PABPC4L: variants seen among roughly 807,000 people sequenced by gnomAD.
PABPC4L encodes the protein poly(A) binding protein cytoplasmic 4 like.
For synonymous variants in PABPC4L, 169 were observed against 164.1 expected (o/e 1.03, Z -0.23); for missense variants, 452 against 451.4 (o/e 1.00, Z -0.01).
At chr4:134,109,751 A>AT in the PABPC4L span, among the ~76,000 whole-genome samples, 206 of 146,646 alleles carry the variant, frequency 1.4e-3, no homozygotes, top group Middle Eastern at 3.5e-3. Flanking sequence ...TTTCTAGATC[A>AT]TTTTTTTTTT....
At chr4:134,166,561 G>A in the PABPC4L span, among the ~76,000 whole-genome samples, 11 of 152,178 alleles carry the variant, frequency 7.2e-5, no homozygotes, top group East Asian at 9.7e-4. Flanking sequence ...CACCAGCATC[G>A]CTTTCCTTCA....
chr4:134,131,206 A>G, the PABPC4L span, among the ~76,000 whole-genome samples: 1 of 152,050 alleles, frequency 6.6e-6, no homozygotes, highest in African/African-American at 2.4e-5. Flanking sequence ...ATCAGACAGG[A>G]AAAATAAAAG....
At chr4:133,966,921 G>T in the PABPC4L span, among the ~76,000 whole-genome samples, 1 of 152,120 alleles carries the variant, frequency 6.6e-6, no homozygotes, top group Non-Finnish European at 1.5e-5. Context: ...TGGTGTTCCG[G>T]TGAAAGAAAT....
chr4:134,129,183 T>C, the PABPC4L span, among the ~76,000 whole-genome samples: 2 of 152,074 alleles, frequency 1.3e-5, no homozygotes, highest in Non-Finnish European at 2.9e-5. Context: ...AAACAATTAC[T>C]ACTATACCTA....
chr4:134,039,277 C>T, the PABPC4L span, among the ~76,000 whole-genome samples: 36 of 151,928 alleles, frequency 2.4e-4, no homozygotes, highest in African/African-American at 5.1e-4. Context: ...TACTATGTGG[C>T]GCTGAGAAGA....
At chr4:134,121,159 A>G in the PABPC4L span, among the ~76,000 whole-genome samples, 2 of 151,366 alleles carry the variant, frequency 1.3e-5, no homozygotes, top group Non-Finnish European at 3.0e-5. Context: ...TCAATTCTTT[A>G]TGATCTTTAT....
chr4:134,164,775 G>C, the PABPC4L span, among the ~76,000 whole-genome samples: 3 of 151,674 alleles, frequency 2.0e-5, no homozygotes, highest in African/African-American at 7.3e-5. Context: ...GAAAAAAAAA[G>C]CTAAAATTCA....
the PABPC4L span, among the ~76,000 whole-genome samples, chr4:134,117,739 T>A: frequency 1.3e-5 from 2 of 151,586 alleles, no homozygotes; most frequent in Admixed American, 1.3e-4. Flanking sequence ...CAATATATAT[T>A]AAAAAATGGC....
the PABPC4L span, among the ~76,000 whole-genome samples, chr4:134,034,767 T>C: frequency 4.7e-4 from 71 of 152,102 alleles, no homozygotes; most frequent in South Asian, 0.014. Context: ...GAGCTTCTTA[T>C]GAATGAGTAG....
the PABPC4L span, among the ~76,000 whole-genome samples, chr4:134,050,078 T>G: frequency 6.6e-6 from 1 of 152,134 alleles, no homozygotes; most frequent in South Asian, 2.1e-4. Flanking sequence ...TAAGACTAGA[T>G]GAAGTATATT....
chr4:134,137,114 C>T, the PABPC4L span, among the ~76,000 whole-genome samples: 1 of 151,802 alleles, frequency 6.6e-6, no homozygotes, highest in African/African-American at 2.4e-5. Flanking sequence ...AATTATTTAC[C>T]CAGTTTAAGA....
the PABPC4L span, among the ~76,000 whole-genome samples, chr4:134,022,141 G>A: frequency 7.9e-5 from 12 of 151,924 alleles, no homozygotes; most frequent in Admixed American, 3.9e-4. Context: ...CTGCTAACCC[G>A]GCTTCCTTAT....
chr4:134,026,241 A>ATT, the PABPC4L span, among the ~76,000 whole-genome samples: 27 of 145,826 alleles, frequency 1.9e-4, no homozygotes, highest in African/African-American at 5.5e-4. Context: ...AATTTTTGCG[A>ATT]TTTTTTTTTT....
At chr4:134,026,764 T>C in the PABPC4L span, among the ~76,000 whole-genome samples, 3 of 152,236 alleles carry the variant, frequency 2.0e-5, no homozygotes, top group South Asian at 2.1e-4. Flanking sequence ...TGGTGTTCTA[T>C]AAAAAGGAAA....
At chr4:134,065,124 C>A in the PABPC4L span, among the ~76,000 whole-genome samples, 1 of 152,048 alleles carries the variant, frequency 6.6e-6, no homozygotes, top group African/African-American at 2.4e-5. Context: ...TGTGGGATTA[C>A]TGGCTCAAAT....
At chr4:134,054,357 A>C in the PABPC4L span, among the ~76,000 whole-genome samples, 1 of 149,602 alleles carries the variant, frequency 6.7e-6, no homozygotes, top group East Asian at 2.0e-4. Flanking sequence ...TTAAGTATAA[A>C]TTCAGATGAA....
chr4:133,962,909 A>G, the PABPC4L span, among the ~76,000 whole-genome samples: 2 of 152,310 alleles, frequency 1.3e-5, no homozygotes, highest in South Asian at 4.1e-4. Flanking sequence ...TTTCTAAAGT[A>G]TAAATACACA....
At chr4:134,134,564 A>G in the PABPC4L span, among the ~76,000 whole-genome samples, 3,408 of 151,712 alleles carry the variant, frequency 0.022, 129 homozygotes, top group African/African-American at 0.078. Flanking sequence ...TAGATAACTA[A>G]AACAGAGAAT....
the PABPC4L span, among the ~76,000 whole-genome samples, chr4:134,132,483 C>T: frequency 6.6e-6 from 1 of 151,788 alleles, no homozygotes; most frequent in African/African-American, 2.4e-5. Context: ...CACCAATGAG[C>T]AGAGAAATGC....
Sources: allele counts gnomAD v4.1 joint callset (sites outside exome capture counted in the v4.1 genomes callset), GRCh38; gene constraint gnomAD v4.1.1; transcripts MANE v1.5; gene names NCBI Gene and HGNC (gene_info 2026-07-23, HGNC 2026-07-21).